TTC34: variants seen among roughly 807,000 people sequenced by gnomAD.
The protein encoded by TTC34 is tetratricopeptide repeat domain 34.
In TTC34, 44 loss-of-function variants were observed where a neutral mutation model predicts 40.7. The ratio of observed to expected loss-of-function variants is 1.08; its 90% CI spans 0.85 to 1.39. The LOEUF (loss-of-function observed/expected upper bound fraction) is 1.39. TTC34 is among the 40% of genes most tolerant of loss of function. TTC34 has a pLI of 0.00. For missense variants in TTC34, 884 were observed against 838.0 expected (o/e 1.05, Z -0.68); for synonymous variants, 422 against 398.6 (o/e 1.06, Z -0.70).
At chr1:2,658,904 AC>A (rs1639446805) in intron 6 of TTC34, among the ~76,000 whole-genome samples, 3 of 105,514 alleles carry the variant, frequency 2.8e-5, no homozygotes, top group Non-Finnish European at 4.6e-5. Context: ...CAGCACTCAC[AC>A]CCCCAGGAGA....
At chr1:2,694,108 C>T (rs1348996617) in intron 6 of TTC34, among the ~76,000 whole-genome samples, 6 of 137,620 alleles carry the variant, frequency 4.4e-5, no homozygotes, top group East Asian at 2.1e-4. Flanking sequence ...GCACCCTGCA[C>T]CCCCAGGTGC....
Position 2,655,549 on chromosome 1 carries a change from GAC to G in TTC34, c.2227-9988_2227-9987del, listed in dbSNP as rs1639314539. On this transcript the variant is annotated intron_variant, in intron 6 of 8. Transcript: ENST00000401095. ...GCACGCACACCCCCAGTGAGCATCT[GAC>G]AGCCTGCAACAGCTCTCACAACCCC... is the stretch of plus-strand genomic sequence containing the variant. Among the ~76,000 whole-genome samples the G allele has an allele frequency of 6.2e-5, 8 of 128,326 alleles. No individual in the cohort carries two copies. The South Asian group carries it at 1.9e-3, about 31-fold the overall frequency. The allele number at this position is 128,326 out of a possible 152,430, so 84.2% of individuals were successfully genotyped here.
Position 2,796,166 on chromosome 1 carries a change from C to T in TTC34, c.784+3878G>A, listed in dbSNP as rs1207510580. Among the ~76,000 whole-genome samples, 3 of 152,172 alleles carry T rather than the reference C, an allele frequency of 2.0e-5. No homozygotes were observed. Among genetic ancestry groups the T allele is most frequent in the Admixed American group, 6.5e-5 (1 of 15,280 alleles). ...TGGGGCCTTGGTTTTGGGCTTCCAG[C>T]GTCCAGAACTGGAGCTCATTCATTT... On this transcript the variant is annotated intron_variant, in intron 2 of 8. Coordinates refer to ENST00000401095, the Ensembl canonical transcript of TTC34. The surrounding 1 kb of genome is among the most constrained non-coding windows in gnomAD (Gnocchi z 4.5).
intron 2 of TTC34, among the ~76,000 whole-genome samples, chr1:2,791,008 C>T (rs558169086): frequency 3.3e-5 from 5 of 152,272 alleles, no homozygotes; most frequent in South Asian, 4.1e-4. Flanking sequence ...GATCCACGCT[C>T]GCAGGGGGTG....
chr1:2,754,783 A>T (rs1351395793), intron 6 of TTC34, among the ~76,000 whole-genome samples: 6,831 of 103,142 alleles, frequency 0.066, no homozygotes, highest in African/African-American at 0.13. Context: ...CCACACCCAC[A>T]GGTGAGCATC....
intron 2 of TTC34, among the ~76,000 whole-genome samples, chr1:2,793,436 C>T (rs1238959771): frequency 3.3e-5 from 5 of 152,176 alleles, no homozygotes; most frequent in Admixed American, 6.5e-5. Flanking sequence ...TTTTGTGGAT[C>T]GTCTTTATTT....
In TTC34 at chr1:2,795,170, G is replaced by A. The variant is rs1180536226; in HGVS notation, c.785-4824C>T. Among the ~76,000 whole-genome samples, 4 of 152,134 alleles carry A rather than the reference G, an allele frequency of 2.6e-5. No homozygotes were observed. In the East Asian group the frequency reaches 5.8e-4, roughly 22 times the overall value. ...GGAGGCTGAGGCAGGAGGACTGCTT[G>A]AGCCTGGGAGATTGAGTGCAGTGAG... On this transcript the variant is annotated intron_variant, in intron 2 of 8. Transcript: ENST00000401095.
chr1:2,759,868 T>TGCACCACCAGGTG (rs1641636432), intron 6 of TTC34, among the ~76,000 whole-genome samples: 3 of 64,982 alleles, frequency 4.6e-5, no homozygotes, highest in African/African-American at 2.0e-4. Context: ...CAGCCTGGAG[T>TGCACCACCAGGTG]AGTATCCTGC....
intron 6 of TTC34, among the ~76,000 whole-genome samples, chr1:2,767,034 G>A (rs1424089252): frequency 0.024 from 1 of 42 alleles, no homozygotes; most frequent in Admixed American, 0.12. Flanking sequence ...CTGGAGCAGC[G>A]CCCACACCCC....
intron 6 of TTC34, among the ~76,000 whole-genome samples, chr1:2,683,676 C>A (rs1382643208): frequency 6.7e-6 from 1 of 150,306 alleles, no homozygotes; most frequent in Non-Finnish European, 1.5e-5. Context: ...CGCTGCACCC[C>A]CAGGTGACGA....
intron 6 of TTC34, among the ~76,000 whole-genome samples, chr1:2,684,676 CG>C (rs1557608774): frequency 7.6e-6 from 1 of 130,996 alleles, no homozygotes; most frequent in Non-Finnish European, 1.6e-5. Context: ...AGCACCCACA[CG>C]CCCAGGTGAG....
intron 6 of TTC34, among the ~76,000 whole-genome samples, chr1:2,684,455 C>A (rs71257031): frequency 5.5e-4 from 49 of 89,868 alleles, no homozygotes; most frequent in Admixed American, 2.5e-3. Flanking sequence ...GAGCATCTGA[C>A]GGCCTGCAAC....
intron 6 of TTC34, among the ~76,000 whole-genome samples, chr1:2,685,042 A>T (rs1437431414): frequency 6.9e-6 from 1 of 144,606 alleles, no homozygotes; most frequent in Admixed American, 6.8e-5. Flanking sequence ...CCACACCCAC[A>T]GGTGAGCATC....
At chr1:2,790,851 G>T (rs1179693859) in intron 2 of TTC34, among the ~76,000 whole-genome samples, 3 of 152,198 alleles carry the variant, frequency 2.0e-5, no homozygotes, top group Non-Finnish European at 1.5e-5. Context: ...GGCCAAGTGG[G>T]GACCCAGCCC....
intron 6 of TTC34, among the ~76,000 whole-genome samples, chr1:2,687,991 G>A (rs1640443157): frequency 1.0e-5 from 1 of 96,174 alleles, no homozygotes; most frequent in African/African-American, 3.8e-5. Context: ...CTGACAGCCT[G>A]GAACAGGACC....
chr1:2,791,335 G>A (rs72646041), intron 2 of TTC34, among the ~76,000 whole-genome samples: 1 of 152,216 alleles, frequency 6.6e-6, no homozygotes, highest in Admixed American at 6.5e-5. Context: ...GGGGAGGGAC[G>A]TTCTGAGGGT....
Position 2,645,664 on chromosome 1 carries a change from ATCT to A in TTC34, c.2227-104_2227-102del, listed in dbSNP as rs1205444668. 16 of 1,266,992 alleles carry A rather than the reference ATCT, an allele frequency of 1.3e-5. No individual in the cohort carries two copies. In the East Asian group the frequency reaches 1.7e-4, roughly 13 times the overall value. The allele number at this position is 1,266,992 out of a possible 1,614,324, so 78.5% of individuals were successfully genotyped here. Reference sequence around the variant, plus strand: ...CTGGCTCTGTCTTTCTCATTCCCTGATCTTCTCCCTGGGGTCCTAGAGGGTCTG... The same window carrying A: ...CTGGCTCTGTCTTTCTCATTCCCTGATCTCCCTGGGGTCCTAGAGGGTCTG... On this transcript the variant is annotated intron_variant, in intron 6 of 8. Coordinates refer to ENST00000401095, the Ensembl canonical transcript of TTC34. This position sits in a 1 kb window ranked among gnomAD's most constrained non-coding sequence, Gnocchi z 4.7.
rs1640077632 is a variant in TTC34, at chr1:2,681,606, G to T, written c.2227-36043C>A. Among the ~76,000 whole-genome samples, 2 of 58,902 alleles carry T rather than the reference G, an allele frequency of 3.4e-5. 1 individual carries two copies. Among genetic ancestry groups the T allele is most frequent in the Admixed American group, 3.6e-4 (2 of 5,510 alleles). 38.6% of individuals were successfully genotyped at this position (58,902 alleles called of 152,430 possible). On this transcript the variant is annotated intron_variant, in intron 6 of 8. Transcript: ENST00000401095. Reference sequence around the variant, plus strand: ...CACACCCACAGGTGAGCATCAGACAGCCTGGAACCGCAGCCACACCCCCAG... The same window carrying T: ...CACACCCACAGGTGAGCATCAGACATCCTGGAACCGCAGCCACACCCCCAG...
intron 6 of TTC34, among the ~76,000 whole-genome samples, chr1:2,752,151 T>A (rs1485814665): frequency 1.2e-5 from 1 of 80,788 alleles, no homozygotes; most frequent in Non-Finnish European, 2.3e-5. Context: ...CATGTGATGG[T>A]CTGGAGCAGC....
Sources: gnomAD v4.1 joint callset for allele counts (sites outside exome capture counted in the v4.1 genomes callset) on GRCh38, gnomAD v4.1.1 for gene constraint, Gnocchi (gnomAD v3.1) non-coding constraint, MANE v1.5 for transcripts, NCBI Gene and HGNC (gene_info 2026-07-23, HGNC 2026-07-21) for gene names.